Variants in LRBA observed in about 807,000 individuals in gnomAD.
LRBA encodes the protein lipopolysaccharide-responsive and beige-like anchor protein.
A neutral mutation model predicts 330.0 loss-of-function variants in LRBA; 176 were observed. That is an observed-to-expected ratio of 0.53 (90% CI 0.47 to 0.60). LRBA has a LOEUF of 0.60. LRBA is among the 20% of genes least tolerant of loss of function. The pLI, the probability that LRBA is intolerant of heterozygous loss-of-function variation, is 0.00. For missense variants in LRBA, 3,259 were observed against 3,444.8 expected (o/e 0.95, Z 1.35); for synonymous variants, 1,230 against 1,193.0 (o/e 1.03, Z -0.64).
At chr4:150,530,296 C>T (rs1357867090) in intron 40 of LRBA, among the ~76,000 whole-genome samples, 1 of 152,102 alleles carries the variant, frequency 6.6e-6, no homozygotes, top group African/African-American at 2.4e-5. Context: ...GGAAAAGAAT[C>T]ATCAAGGGAG....
At chr4:150,902,523 G>A (rs1037865512) in intron 13 of LRBA, among the ~76,000 whole-genome samples, 1 of 151,960 alleles carries the variant, frequency 6.6e-6, no homozygotes, top group African/African-American at 2.4e-5. Flanking sequence ...GGCATACACC[G>A]AGTAAATGAC....
At chr4:150,528,199 G>A (rs931238692) in intron 40 of LRBA, among the ~76,000 whole-genome samples, 2 of 152,032 alleles carry the variant, frequency 1.3e-5, no homozygotes, top group African/African-American at 4.8e-5. Flanking sequence ...TAGGGATAGG[G>A]AAAAATGCGT....
chr4:150,487,304 C>A (rs924810328), intron 42 of LRBA, among the ~76,000 whole-genome samples: 1 of 150,054 alleles, frequency 6.7e-6, no homozygotes. Context: ...GTAATTATAT[C>A]GATATATATA....
rs769928990 is a variant in LRBA, at chr4:150,928,531, T to C, written c.534A>G (p.Gly178=). The C allele has an allele frequency of 6.2e-7, 1 of 1,613,212 alleles. No homozygotes were observed. Residue 178 remains glycine, a synonymous_variant, in exon 4 of 57, where the codon GGA becomes GGG. Transcript: ENST00000651943. The stretch of plus-strand genomic sequence containing the variant: ...GTTTTTTTACCCATCGTCCTTTATC[T>C]CCTTGAAGTTTACTGAAGAAAAGCT... ...ELKLFFSKLQ[G]DKGRWPPHAG...
chr4:150,923,215 C>A (rs1263148262), intron 4 of LRBA, among the ~76,000 whole-genome samples: 1 of 151,780 alleles, frequency 6.6e-6, no homozygotes, highest in African/African-American at 2.4e-5. Context: ...ATACTTTCAC[C>A]ATTAAAATAG....
chr4:150,582,442 T>G (rs1771497086), intron 40 of LRBA: 1 of 152,216 alleles, frequency 6.6e-6, no homozygotes, highest in African/African-American at 2.4e-5. Context: ...ACTTCGCAGC[T>G]CTCTGGACAT....
Position 150,409,227 on chromosome 4 carries a change from G to A in LRBA, c.7194+6211C>T, listed in dbSNP as rs1204449957. 7.2e-5 allele frequency among the ~76,000 whole-genome samples: 11 copies of A among 152,182 alleles called. No homozygotes were observed. In the East Asian group the frequency reaches 2.1e-3, roughly 29 times the overall value. ...CACATATAAGCCAATCAGAGGGCTA[G>A]AACAGGTCCTTCCCGTACAGCATTT... On this transcript the variant is annotated intron_variant, in intron 47 of 56. Transcript: ENST00000651943.
chr4:150,669,976 GTCT>G (rs1405009936), intron 37 of LRBA, among the ~76,000 whole-genome samples: 4 of 152,268 alleles, frequency 2.6e-5, no homozygotes, highest in Non-Finnish European at 5.9e-5. Flanking sequence ...ATGTCAAGAA[GTCT>G]TCTTACTGAT....
At chr4:150,444,509 C>T (rs1752333597) in intron 44 of LRBA, among the ~76,000 whole-genome samples, 1 of 152,198 alleles carries the variant, frequency 6.6e-6, no homozygotes, top group African/African-American at 2.4e-5. Context: ...AGCATTTTCA[C>T]TCAACCTTGG....
intron 17 of LRBA, among the ~76,000 whole-genome samples, chr4:150,889,140 G>C (rs1479115991): frequency 6.6e-6 from 1 of 152,076 alleles, no homozygotes; most frequent in Non-Finnish European, 1.5e-5. Flanking sequence ...GATTAGATGA[G>C]GTCCAGACAT....
At chr4:150,327,984 C>T (rs181254784) in intron 48 of LRBA, among the ~76,000 whole-genome samples, 152 of 152,090 alleles carry the variant, frequency 1.0e-3, no homozygotes, top group Middle Eastern at 3.4e-3. Context: ...TGAGAGCAGT[C>T]CAAAACATGA....
chr4:150,846,093 C>A (rs1419918675), intron 26 of LRBA, among the ~76,000 whole-genome samples: 2 of 152,112 alleles, frequency 1.3e-5, no homozygotes, highest in Non-Finnish European at 2.9e-5. Context: ...GAAATCATGT[C>A]TTTTGCAGCA....
chr4:150,963,378 G>A (rs573897836), intron 2 of LRBA, among the ~76,000 whole-genome samples: 1 of 149,626 alleles, frequency 6.7e-6, no homozygotes, highest in East Asian at 1.9e-4. Flanking sequence ...GTGGAGACGG[G>A]GTTTCGCCCT....
intron 47 of LRBA, among the ~76,000 whole-genome samples, chr4:150,386,609 A>G (rs541698311): frequency 7.4e-5 from 11 of 149,590 alleles, no homozygotes; most frequent in Non-Finnish European, 1.6e-4. Flanking sequence ...ATTCTTTTTT[A>G]TGGCTGCATA....
intron 40 of LRBA, among the ~76,000 whole-genome samples, chr4:150,566,831 C>T (rs185642427): frequency 1.3e-3 from 196 of 152,106 alleles, no homozygotes; most frequent in East Asian, 6.0e-3. Flanking sequence ...CATCATCTTC[C>T]GTATAAAAGC....
intron 56 of LRBA, among the ~76,000 whole-genome samples, chr4:150,272,762 A>T (rs754459234): frequency 1.3e-5 from 2 of 152,014 alleles, no homozygotes; most frequent in African/African-American, 2.4e-5. Flanking sequence ...ATTAGAGAAA[A>T]AAGAATGAAA....
At chr4:150,453,683 T>C (rs1753665507) in intron 44 of LRBA, among the ~76,000 whole-genome samples, 1 of 152,152 alleles carries the variant, frequency 6.6e-6, no homozygotes, top group Non-Finnish European at 1.5e-5. Flanking sequence ...GTCTCTAATA[T>C]ATATACACGT....
intron 40 of LRBA, among the ~76,000 whole-genome samples, chr4:150,566,099 C>T (rs1048134744): frequency 4.6e-5 from 7 of 151,254 alleles, no homozygotes; most frequent in Admixed American, 2.0e-4. Context: ...CATGGTGGTA[C>T]ATGCCTGTAG....
chr4:150,449,168 C>T (rs1024074806), intron 44 of LRBA, among the ~76,000 whole-genome samples: 14 of 151,958 alleles, frequency 9.2e-5, no homozygotes, highest in South Asian at 2.1e-4. Context: ...GGAAAGAGTA[C>T]GAGCAAAACT....
Sources: allele counts gnomAD v4.1 joint callset (sites outside exome capture counted in the v4.1 genomes callset), GRCh38; gene constraint gnomAD v4.1.1; transcripts MANE v1.5; gene names NCBI Gene and HGNC (gene_info 2026-07-23, HGNC 2026-07-21).